The following NDUFA6 variants were observed in gnomAD, a reference collection of about 807,000 sequenced individuals.
The protein encoded by NDUFA6 is NADH:ubiquinone oxidoreductase subunit A6.
A neutral mutation model predicts 12.5 loss-of-function variants in NDUFA6; 10 were observed. That is an observed-to-expected ratio of 0.80 (90% CI 0.49 to 1.35). The LOEUF (loss-of-function observed/expected upper bound fraction) is 1.35, where lower values mean the gene tolerates loss of function less well. Ranked by LOEUF, NDUFA6 falls within the 40% of genes most tolerant of loss-of-function variation. The pLI is 0.00. For missense variants in NDUFA6, 177 were observed against 173.5 expected, an observed-to-expected ratio of 1.02 and a Z score of -0.11; for synonymous variants, 66 against 63.0, an observed-to-expected ratio of 1.05 and a Z score of -0.23.
chr22:42,085,728 T>C lies in NDUFA6; in HGVS notation c.*455A>G. 4.0e-6 allele frequency: 1 copy of C among 251,504 alleles called. No individual in the cohort carries two copies. The allele number at this position is 251,504 out of a possible 1,614,324, so 15.6% of individuals were successfully genotyped here. A position where few individuals can be genotyped will look rare whatever the true frequency, so the allele number is the denominator to read the frequency against. ...GCCAAGCCTTTGCACATCCATTTTC[T>C]TCAGAACCCAAGGAAAACTAGCCCA... On this transcript the variant is annotated 3_prime_UTR_variant, in exon 3 of 3. Coordinates refer to ENST00000498737, the MANE Select transcript of NDUFA6 (RefSeq NM_002490.6).
At chr22:42,089,341 C>T (rs998430099) in intron 1 of NDUFA6, among the ~76,000 whole-genome samples, 1 of 151,778 alleles carries the variant, frequency 6.6e-6, no homozygotes, top group African/African-American at 2.4e-5. Context: ...CACACACACA[C>T]ACACACACAC....
chr22:42,085,854 A>G lies in NDUFA6; in HGVS notation c.*329T>C. 2 of 424,036 alleles carry G rather than the reference A, an allele frequency of 4.7e-6. No homozygotes were observed. The highest frequency in any genetic ancestry group is 7.2e-4 in the Middle Eastern group (1 of 1,388). 26.3% of individuals were successfully genotyped at this position (424,036 alleles called of 1,614,324 possible). The stretch of plus-strand genomic sequence containing the variant: ...TCTGTGCCCTGACACTGAAGTGTCT[A>G]ATCATAGGGGCTATAGAAACAACTA... On this transcript the variant is annotated 3_prime_UTR_variant, in exon 3 of 3. Coordinates refer to ENST00000498737, the MANE Select transcript of NDUFA6 (RefSeq NM_002490.6).
intron 1 of NDUFA6, 121 bp downstream of exon 1, chr22:42,090,485 C>T (rs1928571674): frequency 8.1e-7 from 1 of 1,231,960 alleles, no homozygotes; most frequent in Non-Finnish European, 1.2e-6. Flanking sequence ...TCCCCTGAAG[C>T]ACCCGCAGTC....
chr22:42,089,642 T>C (rs1196743770), intron 1 of NDUFA6: 2 of 152,102 alleles, frequency 1.3e-5, no homozygotes, highest in Non-Finnish European at 2.9e-5. Context: ...GCAGCTAATA[T>C]TTAATGAGTT....
chr22:42,086,116 A>C lies in NDUFA6; in HGVS notation c.*67T>G. On this transcript the variant is annotated 3_prime_UTR_variant, in exon 3 of 3. Transcript: ENST00000498737. ...ATCAATGGAATTCTATCACAAAGTG[A>C]CCATTGTATAGTGAGTTTATTTGTG... is the stretch of plus-strand genomic sequence containing the variant. 13 of 1,606,676 alleles carry C rather than the reference A, an allele frequency of 8.1e-6. No individual in the cohort carries two copies. The highest frequency in any genetic ancestry group is 1.0e-5 in the Non-Finnish European group (12 of 1,173,536).
Position 42,085,834 on chromosome 22 carries a change from G to C in NDUFA6, c.*349C>G. 1 of 384,280 alleles carries C rather than the reference G, an allele frequency of 2.6e-6. No homozygotes were observed. The highest frequency in any genetic ancestry group is 2.3e-5 in the South Asian group (1 of 44,380). The allele number at this position is 384,280 out of a possible 1,614,324, so 23.8% of individuals were successfully genotyped here. A position where few individuals can be genotyped will look rare whatever the true frequency, so the allele number is the denominator to read the frequency against. On this transcript the variant is annotated 3_prime_UTR_variant, in exon 3 of 3. Transcript: ENST00000498737. Reference sequence around the variant, plus strand: ...AGCTGGCTAATTTTAGATAATCTGTGCCCTGACACTGAAGTGTCTAATCAT... The same window carrying C: ...AGCTGGCTAATTTTAGATAATCTGTCCCCTGACACTGAAGTGTCTAATCAT...
intron 1 of NDUFA6, among the ~76,000 whole-genome samples, chr22:42,087,707 CAGG>C (rs1288633052): frequency 6.6e-6 from 1 of 151,608 alleles, no homozygotes; most frequent in East Asian, 1.9e-4. Context: ...GAGGCTGAGG[CAGG>C]AGAATGGTGT....
chr22:42,090,314 A>G (rs746736649), intron 1 of NDUFA6, among the ~76,000 whole-genome samples: 19 of 152,110 alleles, frequency 1.2e-4, no homozygotes, highest in Admixed American at 3.9e-4. Context: ...CCGCTGCCTC[A>G]CCCACAAAGT....
rs1330569262 is a variant in NDUFA6, at chr22:42,086,287, T to C, written c.283A>G (p.Lys95Glu). The C allele has an allele frequency of 1.9e-6, 3 of 1,613,916 alleles. No homozygotes were observed. Among genetic ancestry groups the C allele is most frequent in the East Asian group, 2.2e-5 (1 of 44,900 alleles). The change falls in exon 3 of 3, where the codon AAA becomes GAA. Residue 95 changes from lysine (K) to glutamate (E), a missense_variant. By Grantham distance (56) the Lys-to-Glu change is moderately conservative (BLOSUM62 1). Around this residue, in one of 3 missense-constraint regions of NDUFA6, gnomAD observed 62 missense variants for 69.4 expected, o/e 0.89. Transcript: ENST00000498737. ...KGKIELEETI[K>E]VWKQRTHVMR... ...ACATGTGTCCGCTGCTTCCATACTT[T>C]AATTGTTTCTTCCAGTTCGATCTTT...
intron 1 of NDUFA6, among the ~76,000 whole-genome samples, 164 bp downstream of exon 1, chr22:42,090,442 G>C (rs945728267): frequency 1.3e-5 from 2 of 152,258 alleles, no homozygotes; most frequent in Non-Finnish European, 2.9e-5. Flanking sequence ...GCCGCCGCCA[G>C]GTCCGGCCCA....
At chr22:42,087,236 A>G in intron 1 of NDUFA6, 61 bp from the exon 2 acceptor site, 1 of 1,240,932 alleles carries the variant, frequency 8.1e-7, no homozygotes, top group Non-Finnish European at 1.2e-6. Flanking sequence ...CTAGAGTCAA[A>G]TGATACTCAT....
rs537944892 is a variant in NDUFA6, at chr22:42,085,699, C to A, written c.*484G>T. ...AAGGGCTGGAGCTTGTTACAAGTAG[C>A]GGAGCCAAGCCTTTGCACATCCATT... On this transcript the variant is annotated 3_prime_UTR_variant, in exon 3 of 3. Transcript: ENST00000498737. The A allele has an allele frequency of 6.3e-5, 14 of 220,738 alleles. No homozygotes were observed. Among genetic ancestry groups the A allele is most frequent in the Non-Finnish European group, 1.0e-4 (11 of 109,102 alleles). The allele number at this position is 220,738 out of a possible 1,614,324, so 13.7% of individuals were successfully genotyped here. A position where few individuals can be genotyped will look rare whatever the true frequency, so the allele number is the denominator to read the frequency against.
chr22:42,088,425 T>G (rs1928408487), intron 1 of NDUFA6, among the ~76,000 whole-genome samples: 1 of 125,502 alleles, frequency 8.0e-6, no homozygotes, highest in African/African-American at 3.1e-5. Flanking sequence ...AAAAAAATAA[T>G]TATTATTTTA....
chr22:42,087,400 G>A (rs1760783579), intron 1 of NDUFA6: 1 of 566,000 alleles, frequency 1.8e-6, no homozygotes, highest in Non-Finnish European at 3.2e-6. Context: ...TGAAGAGGCA[G>A]TAAAGCATTG....
intron 1 of NDUFA6, among the ~76,000 whole-genome samples, chr22:42,088,106 CAAAAAAAAAAA>C (rs1182424559): frequency 2.5e-5 from 1 of 39,650 alleles, no homozygotes; most frequent in Non-Finnish European, 5.6e-5. Flanking sequence ...GACTGTGTCT[CAAAAAAAAAAA>C]AAAAAAAAGG....
intron 2 of NDUFA6, 80 bp from the exon 3 acceptor site, chr22:42,086,394 C>T: frequency 6.3e-7 from 1 of 1,578,874 alleles, no homozygotes; most frequent in South Asian, 1.1e-5. Flanking sequence ...ATTCTATTCT[C>T]TGCTCAGCAT....
At chr22:42,088,748 G>A (rs1215529226) in intron 1 of NDUFA6, among the ~76,000 whole-genome samples, 2 of 149,454 alleles carry the variant, frequency 1.3e-5, no homozygotes, top group African/African-American at 4.9e-5. Context: ...AAAAAAGTGA[G>A]TTATCATTAC....
intron 1 of NDUFA6, among the ~76,000 whole-genome samples, chr22:42,088,373 G>A (rs1928403456): frequency 6.6e-6 from 1 of 151,482 alleles, no homozygotes; most frequent in Non-Finnish European, 1.5e-5. Context: ...CGCCACTGCA[G>A]TCCGCAGTCC....
At chr22:42,089,342 A>T (rs187524502) in intron 1 of NDUFA6, among the ~76,000 whole-genome samples, 37 of 151,846 alleles carry the variant, frequency 2.4e-4, no homozygotes, top group Non-Finnish European at 4.3e-4. Flanking sequence ...ACACACACAC[A>T]CACACACACA....
Sources: allele counts gnomAD v4.1 joint callset (sites outside exome capture counted in the v4.1 genomes callset), GRCh38; gene constraint gnomAD v4.1.1; regional missense constraint gnomAD v4.1.1; transcripts MANE v1.5; gene names NCBI Gene and HGNC (gene_info 2026-07-23, HGNC 2026-07-21).